The following CCDC30 variants were observed in gnomAD, a reference collection of about 807,000 sequenced individuals.
The protein encoded by CCDC30 is coiled-coil domain-containing protein 30.
CCDC30 carries 70 observed loss-of-function variants against 100.2 expected under a neutral mutation model. The observed-to-expected ratio is 0.70, with a 90% CI of 0.58 to 0.85. The LOEUF is 0.85. CCDC30 is among the 40% of genes least tolerant of loss of function. CCDC30 has a pLI of 0.00. For missense variants in CCDC30, 652 were observed against 771.2 expected (o/e 0.85, Z 1.83); for synonymous variants, 233 against 269.5 (o/e 0.86, Z 1.33).
At chr1:42,502,261 G>A (rs558845181) in intron 6 of CCDC30, among the ~76,000 whole-genome samples, 4 of 152,310 alleles carry the variant, frequency 2.6e-5, no homozygotes, top group East Asian at 1.9e-4. Flanking sequence ...CGAGCCGGGC[G>A]TGGGACCCTC....
intron 6 of CCDC30, among the ~76,000 whole-genome samples, chr1:42,551,343 G>A (rs1468819617): frequency 6.6e-6 from 1 of 152,176 alleles, no homozygotes; most frequent in Non-Finnish European, 1.5e-5. Context: ...CCTCCCACCA[G>A]TTGAAGACTG....
intron 10 of CCDC30, among the ~76,000 whole-genome samples, chr1:42,595,735 T>C (rs1040580562): frequency 6.6e-6 from 1 of 152,158 alleles, no homozygotes; most frequent in African/African-American, 2.4e-5. Context: ...TCAGCATTTA[T>C]ATTGGGATCT....
chr1:42,516,459 C>T (rs543532876), intron 6 of CCDC30, among the ~76,000 whole-genome samples: 1 of 149,656 alleles, frequency 6.7e-6, no homozygotes, highest in East Asian at 2.0e-4. Context: ...CTGAATTCCT[C>T]GGGAGGCTGA....
At chr1:42,637,050 G>A (rs892184463) in intron 11 of CCDC30, among the ~76,000 whole-genome samples, 187 bp from the exon 16 acceptor site, 5 of 149,938 alleles carry the variant, frequency 3.3e-5, no homozygotes, top group Admixed American at 6.7e-5. Context: ...GTGTTATATA[G>A]GGGGTTATCC....
At chr1:42,536,217 T>C (rs1412451025) in intron 6 of CCDC30, among the ~76,000 whole-genome samples, 3 of 152,170 alleles carry the variant, frequency 2.0e-5, no homozygotes, top group Non-Finnish European at 4.4e-5. Context: ...TGATTAAATT[T>C]TATAAAATAC....
chr1:42,525,791 C>T (rs1437254394), intron 6 of CCDC30, among the ~76,000 whole-genome samples: 4 of 152,086 alleles, frequency 2.6e-5, no homozygotes, highest in African/African-American at 7.2e-5. Context: ...TATTCTAGGG[C>T]TAGAATAGTC....
intron 1 of CCDC30, among the ~76,000 whole-genome samples, chr1:42,472,392 C>G (rs184121269): frequency 6.6e-6 from 1 of 152,282 alleles, no homozygotes; most frequent in East Asian, 1.9e-4. Context: ...ATATTGATAG[C>G]AGGCTTAGAC....
rs1557843157 is a variant in CCDC30 at position 42,546,420 on chromosome 1, A to ATG, written c.457-19875_457-19874insGT. Among the ~76,000 whole-genome samples the ATG allele has an allele frequency of 5.0e-3, 71 of 14,168 alleles. 4 individuals carry two copies. Among genetic ancestry groups the ATG allele is most frequent in the African/African-American group, 0.016 (64 of 4,118 alleles). The allele number at this position is 14,168 out of a possible 152,430, so 9.3% of individuals were successfully genotyped here. Reference sequence around the variant, plus strand: ...AAAAAATATATATATATATATATATATATATATATATATATATATATAGTA... The same window carrying ATG: ...AAAAAATATATATATATATATATATATGTATATATATATATATATATATAGTA... On this transcript the variant is annotated intron_variant, in intron 6 of 16. Coordinates refer to ENST00000668663, the Ensembl canonical transcript of CCDC30.
intron 6 of CCDC30, among the ~76,000 whole-genome samples, chr1:42,530,205 T>G (rs1331258637): frequency 6.6e-6 from 1 of 152,202 alleles, no homozygotes; most frequent in Non-Finnish European, 1.5e-5. Flanking sequence ...AATGCCTAAG[T>G]CATTCACCTT....
chr1:42,467,056 A>G (rs1425418297), intron 1 of CCDC30, among the ~76,000 whole-genome samples: 5 of 152,186 alleles, frequency 3.3e-5, no homozygotes, highest in African/African-American at 1.2e-4. Context: ...CTGAATGTCA[A>G]AATTTGTGGA....
At chr1:42,656,677 G>A (rs1469498030), downstream of CCDC30, among the ~76,000 whole-genome samples, 1 of 152,034 alleles carries the variant, frequency 6.6e-6, no homozygotes, top group Non-Finnish European at 1.5e-5. Flanking sequence ...AATAAAAAGT[G>A]TGTCAACATA....
intron 6 of CCDC30, among the ~76,000 whole-genome samples, chr1:42,533,533 C>A (rs1644841413): frequency 6.6e-6 from 1 of 152,078 alleles, no homozygotes; most frequent in African/African-American, 2.4e-5. Context: ...TTTATCTGGC[C>A]CCAGGGCTCA....
chr1:42,557,291 A>G (rs957969792), intron 6 of CCDC30, among the ~76,000 whole-genome samples: 3 of 152,218 alleles, frequency 2.0e-5, no homozygotes, highest in Non-Finnish European at 4.4e-5. Context: ...GAAAATATTT[A>G]CCTGAAAGGA....
At chr1:42,517,723 C>T (rs1205640673) in intron 6 of CCDC30, among the ~76,000 whole-genome samples, 1 of 152,104 alleles carries the variant, frequency 6.6e-6, no homozygotes, top group Non-Finnish European at 1.5e-5. Context: ...CAAAGAAAAG[C>T]CCTAGACTTG....
At chr1:42,632,145 G>A (rs894430183) in intron 11 of CCDC30, among the ~76,000 whole-genome samples, 4 of 152,056 alleles carry the variant, frequency 2.6e-5, no homozygotes, top group South Asian at 2.1e-4. Context: ...TCTGAGTATC[G>A]CTGCTGGTTA....
intron 11 of CCDC30, among the ~76,000 whole-genome samples, chr1:42,621,718 A>C (rs939662130): frequency 1.3e-5 from 2 of 151,918 alleles, no homozygotes; most frequent in African/African-American, 4.8e-5. Context: ...TCACTGTGTT[A>C]GCCAGGATGG....
chr1:42,601,956 T>C (rs1219422287), intron 10 of CCDC30, among the ~76,000 whole-genome samples: 1 of 152,114 alleles, frequency 6.6e-6, no homozygotes, highest in East Asian at 1.9e-4. Flanking sequence ...ATTCAGAAAT[T>C]CATCAGATAA....
intron 6 of CCDC30, among the ~76,000 whole-genome samples, chr1:42,507,709 C>G (rs755759667): frequency 1.3e-5 from 2 of 151,876 alleles, no homozygotes; most frequent in Non-Finnish European, 2.9e-5. Context: ...GTACTAGGCA[C>G]AGAGAAAATC....
At chr1:42,614,896 T>C (rs111710110) in intron 11 of CCDC30, among the ~76,000 whole-genome samples, 2,656 of 152,162 alleles carry the variant, frequency 0.017, 72 homozygotes, top group African/African-American at 0.061. Context: ...TCCAAGTAGC[T>C]ACTGTTCTGA....
Sources: allele counts gnomAD v4.1 joint callset (sites outside exome capture counted in the v4.1 genomes callset), GRCh38; gene constraint gnomAD v4.1.1; transcripts MANE v1.5; gene names NCBI Gene and HGNC (gene_info 2026-07-23, HGNC 2026-07-21).